SIPA1L1: variants seen among roughly 807,000 people sequenced by gnomAD.
SIPA1L1 encodes the protein signal-induced proliferation-associated 1-like protein 1.
SIPA1L1 carries 26 observed loss-of-function variants against 162.7 expected under a neutral mutation model. The observed-to-expected ratio is 0.16, with a 90% CI of 0.12 to 0.22. The LOEUF (loss-of-function observed/expected upper bound fraction) is 0.22. Among genes scored for constraint, SIPA1L1 ranks in the 10% least tolerant of loss-of-function variants. SIPA1L1 has a pLI of 1.00. For synonymous variants in SIPA1L1, 829 were observed against 837.4 expected (o/e 0.99, Z 0.17); for missense variants, 1,874 against 2,241.0 (o/e 0.84, Z 3.31).
intron 10 of SIPA1L1, 61 bp downstream of exon 10, chr14:71,661,528 C>G (rs2043510619): frequency 3.9e-6 from 6 of 1,533,508 alleles, no homozygotes; most frequent in Non-Finnish European, 5.3e-6. Context: ...CATAGAGGCC[C>G]CATTCAGCTC....
chr14:71,577,512 GA>G (rs1206453500), intron 4 of SIPA1L1, among the ~76,000 whole-genome samples: 1 of 151,942 alleles, frequency 6.6e-6, no homozygotes, highest in East Asian at 1.9e-4. Flanking sequence ...AAGTAGCTGG[GA>G]TTACAGGCAC....
chr14:71,345,508 A>G (rs1041951154), intron 2 of SIPA1L1, among the ~76,000 whole-genome samples: 1 of 150,372 alleles, frequency 6.7e-6, no homozygotes, highest in African/African-American at 2.4e-5. Context: ...ATTTTTCTGT[A>G]TTTGCTTCAT....
At chr14:71,477,086 C>G (rs1253398379) in intron 2 of SIPA1L1, among the ~76,000 whole-genome samples, 1 of 152,030 alleles carries the variant, frequency 6.6e-6, no homozygotes, top group Non-Finnish European at 1.5e-5. Context: ...GAAACCCCAT[C>G]TCTAAAAATA....
chr14:71,626,358 G>A (rs1049116357), intron 7 of SIPA1L1, among the ~76,000 whole-genome samples: 1 of 152,126 alleles, frequency 6.6e-6, no homozygotes, highest in African/African-American at 2.4e-5. Context: ...TCCATGTCTG[G>A]ACTAAAGAGC....
intron 4 of SIPA1L1, among the ~76,000 whole-genome samples, chr14:71,565,254 C>T (rs936579801): frequency 2.0e-5 from 3 of 152,096 alleles, no homozygotes; most frequent in Admixed American, 6.5e-5. Flanking sequence ...ATAACACAAC[C>T]TTTTCAGTTG....
chr14:71,602,528 G>A (rs961771134), intron 5 of SIPA1L1, among the ~76,000 whole-genome samples: 1 of 152,178 alleles, frequency 6.6e-6, no homozygotes, highest in Non-Finnish European at 1.5e-5. Flanking sequence ...GAATGTGTAT[G>A]CTGCAGCTAC....
At position 71,687,111 on chromosome 14, in the gene SIPA1L1, A is replaced by G. The variant is rs1461922600; in HGVS notation, c.3374+1480A>G. ...ACCATGTAGAAATAATTTAATAAAAACAGACAAACAATTTAATTAAAACAG... is the reference window on the plus strand; with the variant it reads ...ACCATGTAGAAATAATTTAATAAAAGCAGACAAACAATTTAATTAAAACAG... On this transcript the variant is annotated intron_variant, in intron 13 of 23. Transcript: ENST00000381232. Among the ~76,000 whole-genome samples, 3 of 152,228 alleles carry G rather than the reference A, an allele frequency of 2.0e-5. No individual in the cohort carries two copies. The East Asian group carries it at 5.8e-4, about 29-fold the overall frequency.
intron 2 of SIPA1L1, among the ~76,000 whole-genome samples, chr14:71,389,899 A>G (rs1161854562): frequency 4.6e-5 from 7 of 152,196 alleles, no homozygotes; most frequent in Non-Finnish European, 1.0e-4. Context: ...CCAGCGGACA[A>G]GTGCATTCGC....
intron 9 of SIPA1L1, among the ~76,000 whole-genome samples, chr14:71,658,998 C>G: frequency 6.6e-6 from 1 of 152,058 alleles, no homozygotes; most frequent in East Asian, 1.9e-4. Context: ...GCTCAATGCC[C>G]AATTACTAAA....
intron 4 of SIPA1L1, among the ~76,000 whole-genome samples, chr14:71,535,648 G>A (rs1482644413): frequency 6.6e-6 from 1 of 151,030 alleles, no homozygotes; most frequent in African/African-American, 2.4e-5. Flanking sequence ...GTCTCAGTCT[G>A]TCACCTAGGC....
intron 6 of SIPA1L1, among the ~76,000 whole-genome samples, chr14:71,619,102 A>G (rs552742633): frequency 1.2e-4 from 19 of 152,252 alleles, no homozygotes; most frequent in African/African-American, 4.6e-4. Context: ...GATGCAGTCT[A>G]TGAATGAGGA....
intron 2 of SIPA1L1, among the ~76,000 whole-genome samples, chr14:71,429,126 A>G (rs2043798274): frequency 6.6e-6 from 1 of 152,040 alleles, no homozygotes; most frequent in Admixed American, 6.6e-5. Flanking sequence ...TATTATTTTT[A>G]TTTCACCGTA....
At chr14:71,474,079 A>G (rs932397220) in intron 2 of SIPA1L1, among the ~76,000 whole-genome samples, 1 of 152,208 alleles carries the variant, frequency 6.6e-6, no homozygotes, top group Non-Finnish European at 1.5e-5. Context: ...TCAGACTTAC[A>G]GATTATGTTA....
intron 8 of SIPA1L1, among the ~76,000 whole-genome samples, chr14:71,656,071 GT>G (rs2043031813): frequency 6.6e-6 from 1 of 152,000 alleles, no homozygotes; most frequent in South Asian, 2.1e-4. Context: ...TTTAGCCCTA[GT>G]TTCATCTCTG....
chr14:71,412,624 G>A (rs1028115191), intron 2 of SIPA1L1, among the ~76,000 whole-genome samples: 2 of 152,118 alleles, frequency 1.3e-5, no homozygotes, highest in African/African-American at 4.8e-5. Context: ...TAATGTCCGG[G>A]GTGATAGGCT....
chr14:71,609,792 C>T (rs772600163), intron 5 of SIPA1L1, among the ~76,000 whole-genome samples: 32 of 151,994 alleles, frequency 2.1e-4, no homozygotes, highest in Non-Finnish European at 4.4e-4. Flanking sequence ...TGGTGTCTCA[C>T]TGTTGCTCAG....
intron 4 of SIPA1L1, among the ~76,000 whole-genome samples, chr14:71,585,903 C>T (rs2147472834): frequency 6.6e-6 from 1 of 152,294 alleles, no homozygotes; most frequent in Middle Eastern, 3.4e-3. Flanking sequence ...TGAACCTTTG[C>T]TATGGCCATA....
chr14:71,507,324 T>G (rs933258659), intron 2 of SIPA1L1, among the ~76,000 whole-genome samples: 7 of 152,226 alleles, frequency 4.6e-5, no homozygotes, highest in Non-Finnish European at 8.8e-5. Context: ...AAAGTGTTTT[T>G]AACATGTAAG....
chr14:71,543,607 T>C (rs1020124194), intron 4 of SIPA1L1, among the ~76,000 whole-genome samples: 23 of 152,138 alleles, frequency 1.5e-4, no homozygotes, highest in African/African-American at 5.3e-4. Context: ...TTTAATAGTA[T>C]CTCATTATGA....
Sources: gnomAD v4.1 joint callset for allele counts (sites outside exome capture counted in the v4.1 genomes callset) on GRCh38, gnomAD v4.1.1 for gene constraint, MANE v1.5 for transcripts, NCBI Gene and HGNC (gene_info 2026-07-23, HGNC 2026-07-21) for gene names.